The following LRRFIP1 variants were observed in gnomAD, a reference collection of about 807,000 sequenced individuals.
LRRFIP1 encodes the protein LRR binding FLII interacting protein 1.
A neutral mutation model predicts 104.4 loss-of-function variants in LRRFIP1; 62 were observed. The observed-to-expected ratio is 0.59, with a 90% CI of 0.48 to 0.73. The LOEUF is 0.73. LRRFIP1 is among the 30% of genes least tolerant of loss of function. LRRFIP1 has a pLI of 0.00. For synonymous variants in LRRFIP1, 300 were observed against 299.0 expected, an observed-to-expected ratio of 1.00 and a Z score of -0.03; for missense variants, 796 against 824.5, an observed-to-expected ratio of 0.97 and a Z score of 0.42.
At chr2:237,647,708 CGG>C (rs1559465447) in intron 1 of LRRFIP1, among the ~76,000 whole-genome samples, 2 of 112,944 alleles carry the variant, frequency 1.8e-5, no homozygotes, top group South Asian at 2.7e-4. Flanking sequence ...ACCCCGTGGC[CGG>C]CCACTCACTG....
chr2:237,721,784 G>A (rs935533444), intron 6 of LRRFIP1: 2 of 152,246 alleles, frequency 1.3e-5, no homozygotes, highest in African/African-American at 4.8e-5. Flanking sequence ...GTCCTTGTCA[G>A]TGTCCTTGCA....
chr2:237,638,857 C>T (rs1210818742), intron 1 of LRRFIP1, among the ~76,000 whole-genome samples: 1 of 152,242 alleles, frequency 6.6e-6, no homozygotes, highest in Non-Finnish European at 1.5e-5. Context: ...CTGCATACCA[C>T]TCATGACCAA....
chr2:237,714,180 T>C, intron 2 of LRRFIP1, 79 bp from the exon 3 acceptor site: 1 of 998,456 alleles, frequency 1.0e-6, no homozygotes, highest in Non-Finnish European at 1.5e-6. Context: ...GTCTAGTTAC[T>C]TACAGAACCT....
At chr2:237,666,779 G>GTCTCTTTCTTTCTT (rs2089374543) in intron 1 of LRRFIP1, among the ~76,000 whole-genome samples, 2 of 144,772 alleles carry the variant, frequency 1.4e-5, no homozygotes, top group African/African-American at 2.7e-5. Context: ...CTTTCTCTCT[G>GTCTCTTTCTTTCTT]TCTCTTTCTT....
rs560589716 is a variant in LRRFIP1, at chr2:237,745,168, G to A, written c.634-3196G>A. Reference sequence around the variant, plus strand: ...CTGCCTGCGGCTTCTGTCCGGGCCCGGCCCCTGCAGCTGTGACACACTGCC... The same window carrying A: ...CTGCCTGCGGCTTCTGTCCGGGCCCAGCCCCTGCAGCTGTGACACACTGCC... On this transcript the variant is annotated intron_variant, in intron 11 of 23. Coordinates refer to ENST00000308482, the MANE Select transcript of LRRFIP1 (RefSeq NM_001137550.2). 1.1e-4 allele frequency among the ~76,000 whole-genome samples: 16 copies of A among 152,344 alleles called. No homozygotes were observed. In the South Asian group the frequency reaches 2.7e-3, roughly 26 times the overall value.
Position 237,708,568 on chromosome 2 carries a change from CG to C in LRRFIP1, c.124del (p.Ala42ArgfsTer11). 2 of 1,590,186 alleles carry C rather than the reference CG, an allele frequency of 1.3e-6. No homozygotes were observed. Among genetic ancestry groups the C allele is most frequent in the South Asian group, 1.1e-5 (1 of 87,410 alleles). On this transcript the variant is annotated frameshift_variant, in exon 2 of 24. Coordinates refer to ENST00000308482, the MANE Select transcript of LRRFIP1 (RefSeq NM_001137550.2). LOFTEE classifies it high-confidence loss of function. ...REAEARLAAK[R>X]AARAEAREIR... is the part of the protein sequence containing the mutation. Reference sequence around the variant, plus strand: ...GGCGGAAGCCCGGCTCGCTGCAAAACGGGCGGCCCGCGCGGAGGCTCGCGAG... The same window carrying C: ...GGCGGAAGCCCGGCTCGCTGCAAAACGGCGGCCCGCGCGGAGGCTCGCGAG...
intron 1 of LRRFIP1, among the ~76,000 whole-genome samples, chr2:237,702,565 G>A (rs562340666): frequency 1.3e-5 from 2 of 152,350 alleles, no homozygotes; most frequent in South Asian, 4.1e-4. Flanking sequence ...GAGAGGACAC[G>A]GTGGGGGCAG....
chr2:237,766,045 G>A lies in LRRFIP1; in HGVS notation c.1460-3898G>A. On this transcript the variant is annotated intron_variant, in intron 19 of 23. Coordinates refer to ENST00000308482, the MANE Select transcript of LRRFIP1 (RefSeq NM_001137550.2). This position sits in a 1 kb window ranked among gnomAD's most constrained non-coding sequence, Gnocchi z 4.8. ...GGGGTTCCGTGGAAGACCCACGCCT[G>A]ATGCCCTCCCTCAGTAAGGAATGCA... 2.7e-6 allele frequency: 1 copy of A among 374,398 alleles called. No individual in the cohort carries two copies. The highest frequency in any genetic ancestry group is 3.7e-6 in the Non-Finnish European group (1 of 271,546). The allele number at this position is 374,398 out of a possible 1,614,324, so 23.2% of individuals were successfully genotyped here.
rs1228543944 is a variant in LRRFIP1, at chr2:237,703,525, G to T, written c.97-5019G>T. ...GAGGGCGAGGGTCTGCACCCCAGGC[G>T]TCTGCACTCCTTGTCACCAGCTCCT... is the stretch of plus-strand genomic sequence containing the variant. On this transcript the variant is annotated intron_variant, in intron 1 of 23. Transcript: ENST00000308482. The surrounding 1 kb of genome is among the most constrained non-coding windows in gnomAD (Gnocchi z 4.3). 2.0e-5 allele frequency among the ~76,000 whole-genome samples: 3 copies of T among 152,184 alleles called. No homozygotes were observed. The South Asian group carries it at 6.2e-4, about 32-fold the overall frequency.
At chr2:237,714,077 A>G (rs996783886) in intron 2 of LRRFIP1, among the ~76,000 whole-genome samples, 182 bp from the exon 3 acceptor site, 13 of 152,228 alleles carry the variant, frequency 8.5e-5, no homozygotes, top group Non-Finnish European at 1.5e-4. Context: ...AATGAAATGT[A>G]AAGTAAGTGA....
chr2:237,648,514 G>C (rs1485070874), intron 1 of LRRFIP1, among the ~76,000 whole-genome samples: 1 of 151,402 alleles, frequency 6.6e-6, no homozygotes, highest in African/African-American at 2.4e-5. Context: ...GATCCCTTGA[G>C]GCCAGGAGTT....
intron 10 of LRRFIP1, among the ~76,000 whole-genome samples, 182 bp from the exon 11 acceptor site, chr2:237,739,050 T>TAGCG (rs945451494): frequency 6.6e-6 from 1 of 152,274 alleles, no homozygotes; most frequent in African/African-American, 2.4e-5. Context: ...TTTTTATTCT[T>TAGCG]AGCGAGCACT....
At chr2:237,771,551 T>C (rs1455277502) in intron 20 of LRRFIP1, among the ~76,000 whole-genome samples, 782 of 49,828 alleles carry the variant, frequency 0.016, no homozygotes, top group South Asian at 0.025. Flanking sequence ...CTGGAACCAA[T>C]CCCCCCCCCC....
At chr2:237,742,986 G>A (rs1442042596) in intron 11 of LRRFIP1, among the ~76,000 whole-genome samples, 1 of 151,868 alleles carries the variant, frequency 6.6e-6, no homozygotes, top group Non-Finnish European at 1.5e-5. Flanking sequence ...CTGGAAAGAG[G>A]GGTCATGATA....
intron 14 of LRRFIP1, 77 bp from the exon 15 acceptor site, chr2:237,753,232 T>C: frequency 8.3e-7 from 1 of 1,201,776 alleles, no homozygotes; most frequent in Non-Finnish European, 1.2e-6. Context: ...TGAGGGTTTT[T>C]TTTTAACAGA....
intron 23 of LRRFIP1, among the ~76,000 whole-genome samples, chr2:237,778,366 C>T (rs1261265131): frequency 1.3e-5 from 2 of 152,204 alleles, no homozygotes; most frequent in Admixed American, 1.3e-4. Context: ...CACGTTCTCC[C>T]AGCTTAGGGC....
chr2:237,739,629 C>T (rs1423747823), intron 11 of LRRFIP1, among the ~76,000 whole-genome samples: 1 of 152,158 alleles, frequency 6.6e-6, no homozygotes, highest in East Asian at 1.9e-4. Context: ...GATCAGACCC[C>T]GACAGTGTTT....
intron 20 of LRRFIP1, among the ~76,000 whole-genome samples, chr2:237,771,585 A>C (rs892401762): frequency 8.4e-6 from 1 of 118,790 alleles, no homozygotes; most frequent in Non-Finnish European, 1.6e-5. Flanking sequence ...CCAAGGGACA[A>C]CTGGACATGT....
At chr2:237,690,226 G>GTCACAGGGT (rs1471006317) in intron 1 of LRRFIP1, among the ~76,000 whole-genome samples, 1 of 152,150 alleles carries the variant, frequency 6.6e-6, no homozygotes, top group East Asian at 1.9e-4. Flanking sequence ...GGGAGATGTG[G>GTCACAGGGT]TCACAGGGTT....
Sources: gnomAD v4.1 joint callset for allele counts (sites outside exome capture counted in the v4.1 genomes callset) on GRCh38, gnomAD v4.1.1 for gene constraint, Gnocchi (gnomAD v3.1) non-coding constraint, MANE v1.5 for transcripts, NCBI Gene and HGNC (gene_info 2026-07-23, HGNC 2026-07-21) for gene names.